APOL5: variants seen among roughly 807,000 people sequenced by gnomAD.
APOL5 encodes the protein apolipoprotein L5, also known as apolipoprotein L, 5.
A neutral mutation model predicts 35.5 loss-of-function variants in APOL5; 29 were observed. The observed-to-expected ratio is 0.82, with a 90% CI of 0.61 to 1.11. The LOEUF (loss-of-function observed/expected upper bound fraction) is 1.11, where lower values mean the gene tolerates loss of function less well. Ranked by LOEUF, APOL5 falls within the 50% of genes most tolerant of loss-of-function variation. APOL5 has a pLI of 0.00. For missense variants in APOL5, 514 were observed against 530.4 expected (o/e 0.97, Z 0.30); for synonymous variants, 188 against 200.2 (o/e 0.94, Z 0.51).
At position 35,726,842 on chromosome 22, in the gene APOL5, G is replaced by A. The variant is rs925324662; in HGVS notation, c.774G>A (p.Met258Ile). 6.2e-7 allele frequency: 1 copy of A among 1,614,082 alleles called. No individual in the cohort carries two copies. Among genetic ancestry groups the A allele is most frequent in the African/African-American group, 1.3e-5 (1 of 74,928 alleles). Residue 258 changes from methionine (M) to isoleucine (I), a missense_variant, in exon 3 of 5, where the codon ATG (methionine) becomes ATA (isoleucine). Around this residue, in one of 3 missense-constraint regions of APOL5, gnomAD observed 238 missense variants for 229.1 expected, o/e 1.04. Coordinates refer to ENST00000249044, the MANE Select transcript of APOL5 (RefSeq NM_030642.1). ...MAKSNSGFMA[M>I]VKNFVAKRHI... ...AATCCAACTCTGGCTTCATGGCTAT[G>A]GTCAAGAATTTTGTGGCCAAGAGAC...
rs952486842 is a variant in APOL5, at chr22:35,720,734, C to T, written c.142+80C>T. The T allele has an allele frequency of 3.9e-6, 4 of 1,029,992 alleles. No homozygotes were observed. In the African/African-American group the frequency reaches 6.5e-5, roughly 17 times the overall value. The allele number at this position is 1,029,992 out of a possible 1,614,324, so 63.8% of individuals were successfully genotyped here. On this transcript the variant is annotated intron_variant, in intron 2 of 4. Transcript: ENST00000249044. ...CAGTGTCTGTCACAGACCCAGCACT[C>T]AATGAGTATTTGGGTTTTGTTTTGT...
chr22:35,726,448 T>A lies in APOL5; in HGVS notation c.380T>A (p.Val127Asp), dbSNP rs751240367. The part of the protein sequence containing the change: ...IKELNTLADQ[V>D]DTTHELLTKT... Reference sequence around the variant, plus strand: ...GAACTTAACACCCTTGCGGACCAAGTTGACACCACTCACGAGTTGCTTACC... The same window carrying A: ...GAACTTAACACCCTTGCGGACCAAGATGACACCACTCACGAGTTGCTTACC... Residue 127 changes from valine to aspartate, a missense_variant, in exon 3 of 5, where the codon GTT becomes GAT. Physicochemically the swap from Val to Asp is radical, Grantham distance 152 (BLOSUM62 -3). This residue lies in a region of APOL5 where 254 missense variants were observed against 254.7 expected (regional missense o/e 1.00). Coordinates refer to ENST00000249044, the MANE Select transcript of APOL5 (RefSeq NM_030642.1). 1 of 1,614,158 alleles carries A rather than the reference T, an allele frequency of 6.2e-7. No homozygotes were observed. The highest frequency in any genetic ancestry group is 1.3e-5 in the African/African-American group (1 of 75,050).
At chr22:35,718,016 A>C in intron 1 of APOL5, 90 bp downstream of exon 1, 1 of 1,051,216 alleles carries the variant, frequency 9.5e-7, no homozygotes, top group Non-Finnish European at 1.3e-6. Flanking sequence ...ACTATTTTTT[A>C]TACCCACCAT....
At position 35,728,721 on chromosome 22, in the gene APOL5, A is replaced by G; in HGVS notation, c.1127-2A>G. 2 of 1,610,754 alleles carry G rather than the reference A, an allele frequency of 1.2e-6. No individual in the cohort carries two copies. Among genetic ancestry groups the G allele is most frequent in the South Asian group, 2.2e-5 (2 of 90,212 alleles). On this transcript the variant is annotated splice_acceptor_variant, in intron 3 of 4. Coordinates refer to ENST00000249044, the MANE Select transcript of APOL5 (RefSeq NM_030642.1). LOFTEE classifies it high-confidence loss of function. ...TAAGACACAGGGACTCATGTTCCAC[A>G]GGGTCTCGCTCACCTCTCCCCTGGC...
chr22:35,720,232 T>C (rs1479814326), intron 1 of APOL5, among the ~76,000 whole-genome samples: 1 of 152,238 alleles, frequency 6.6e-6, no homozygotes. Flanking sequence ...CATGCCTTTA[T>C]GTAAGCAGCA....
In APOL5 at chr22:35,726,616, C is replaced by G; in HGVS notation, c.548C>G (p.Thr183Ser). ...GGGTTGGGGGCAGCAGCTGCCATCA[C>G]CAACATAGTAACAAATGTCTTAGAA... ...GTGLGAAAAI[T>S]NIVTNVLENR... The change falls in exon 3 of 5, where the codon ACC becomes AGC. Residue 183 changes from threonine (T) to serine (S), a missense_variant. Thr to Ser is a moderately conservative substitution (Grantham distance 58). Coordinates refer to ENST00000249044, the MANE Select transcript of APOL5 (RefSeq NM_030642.1). The G allele has an allele frequency of 1.2e-6, 2 of 1,614,170 alleles. No homozygotes were observed. Among genetic ancestry groups the G allele is most frequent in the South Asian group, 1.1e-5 (1 of 91,088 alleles).
chr22:35,721,606 A>G (rs976114479), intron 2 of APOL5, among the ~76,000 whole-genome samples: 2 of 152,050 alleles, frequency 1.3e-5, no homozygotes, highest in Non-Finnish European at 2.9e-5. Context: ...GCCCAGACAC[A>G]TGGCTTAGAG....
At chr22:35,728,975 T>C (rs1927275697) in intron 4 of APOL5, 71 bp downstream of exon 4, 2 of 1,446,020 alleles carry the variant, frequency 1.4e-6, no homozygotes, top group Admixed American at 2.7e-5. Flanking sequence ...CTTGGGTGGG[T>C]GGGCTTCAGG....
At chr22:35,719,289 G>A (rs1264302498) in intron 1 of APOL5, among the ~76,000 whole-genome samples, 1 of 152,058 alleles carries the variant, frequency 6.6e-6, no homozygotes, top group Non-Finnish European at 1.5e-5. Flanking sequence ...TGATTTTTGA[G>A]CAACAAAAGA....
chr22:35,720,301 C>T (rs1342094013), intron 1 of APOL5, among the ~76,000 whole-genome samples: 1 of 152,248 alleles, frequency 6.6e-6, no homozygotes, highest in Non-Finnish European at 1.5e-5. Flanking sequence ...AAGTGCTTTA[C>T]CAATCTACTT....
In APOL5 at chr22:35,720,635, G is replaced by A; in HGVS notation, c.123G>A (p.Lys41=). ...TCTACGGAGGTGAGGTCTGGGGGAAGTCCCCAGAACCTGAGTTCCGTGAGG... is the reference window on the plus strand; with the variant it reads ...TCTACGGAGGTGAGGTCTGGGGGAAATCCCCAGAACCTGAGTTCCGTGAGG... ...KVIYGGEVWG[K]SPEPEFPSLV... is the part of the protein sequence containing the mutation. The change falls in exon 2 of 5, where the codon AAG becomes AAA. Residue 41 remains lysine, a synonymous_variant. Coordinates refer to ENST00000249044, the MANE Select transcript of APOL5 (RefSeq NM_030642.1). 1.2e-6 allele frequency: 2 copies of A among 1,613,572 alleles called. No homozygotes were observed. Among genetic ancestry groups the A allele is most frequent in the Non-Finnish European group, 1.7e-6 (2 of 1,179,630 alleles).
At chr22:35,713,456 G>A (rs949610221), upstream of APOL5, among the ~76,000 whole-genome samples, 43 of 152,154 alleles carry the variant, frequency 2.8e-4, 1 homozygote, top group African/African-American at 9.9e-4. Flanking sequence ...ACCTACCATT[G>A]GTGTTTCCCA....
chr22:35,727,341 A>G (rs1927208294), intron 3 of APOL5, 147 bp downstream of exon 3: 4 of 1,210,536 alleles, frequency 3.3e-6, no homozygotes, highest in Non-Finnish European at 4.5e-6. Flanking sequence ...CACACCCCTG[A>G]CATTAACTAG....
chr22:35,723,184 C>T (rs540367632), intron 2 of APOL5, among the ~76,000 whole-genome samples: 1 of 152,240 alleles, frequency 6.6e-6, no homozygotes, highest in East Asian at 1.9e-4. Context: ...TTCCTTGGTC[C>T]AAGTACAGTT....
intron 2 of APOL5, among the ~76,000 whole-genome samples, chr22:35,721,473 G>A (rs559179092): frequency 6.6e-6 from 1 of 152,044 alleles, no homozygotes; most frequent in Admixed American, 6.5e-5. Flanking sequence ...AACCCGGGAG[G>A]CGGAGGTTGC....
At chr22:35,727,976 A>G (rs959923997) in intron 3 of APOL5, among the ~76,000 whole-genome samples, 1 of 152,258 alleles carries the variant, frequency 6.6e-6, no homozygotes, top group Non-Finnish European at 1.5e-5. Flanking sequence ...AACCCGGGAA[A>G]AGGACACATA....
In APOL5 at chr22:35,723,772, G is replaced by A. The variant is rs537795784; in HGVS notation, c.143-2439G>A. 5.3e-5 allele frequency among the ~76,000 whole-genome samples: 8 copies of A among 152,314 alleles called. No individual in the cohort carries two copies. In the East Asian group the frequency reaches 1.5e-3, roughly 29 times the overall value. On this transcript the variant is annotated intron_variant, in intron 2 of 4. Transcript: ENST00000249044. ...AGGTCAGGAGTTGGAGAGCAGCCTG[G>A]CCAACATGGCAAAACCCTGTCGCTA...
At chr22:35,718,160 A>AGTT (rs1186394246) in intron 1 of APOL5, among the ~76,000 whole-genome samples, 2 of 152,226 alleles carry the variant, frequency 1.3e-5, no homozygotes, top group African/African-American at 4.8e-5. Flanking sequence ...AAAAATGTAA[A>AGTT]GTTTAACTAA....
intron 1 of APOL5, among the ~76,000 whole-genome samples, chr22:35,719,191 G>T (rs1323623160): frequency 6.6e-6 from 1 of 152,166 alleles, no homozygotes; most frequent in African/African-American, 2.4e-5. Flanking sequence ...TTATGTTGCA[G>T]GAGAACTAGG....
Sources: gnomAD v4.1 joint callset for allele counts (sites outside exome capture counted in the v4.1 genomes callset) on GRCh38, gnomAD v4.1.1 for gene constraint, gnomAD v4.1.1 regional missense constraint, MANE v1.5 for transcripts, NCBI Gene and HGNC (gene_info 2026-07-23, HGNC 2026-07-21) for gene names.